Variants in ACSM2B observed in about 807,000 individuals in gnomAD.
The protein encoded by ACSM2B is acyl-CoA synthetase medium chain family member 2B.
Under a neutral mutation model 78.6 loss-of-function variants are expected in ACSM2B, and 58 were observed. That is an observed-to-expected ratio of 0.74 (90% confidence interval 0.60 to 0.92). The LOEUF (loss-of-function observed/expected upper bound fraction) is 0.92, where lower values mean the gene tolerates loss of function less well. Ranked by LOEUF, ACSM2B falls within the 40% of genes least tolerant of loss-of-function variation. ACSM2B has a pLI of 0.00. For synonymous variants in ACSM2B, 257 were observed against 256.8 expected (o/e 1.00, Z -0.01); for missense variants, 688 against 711.2 (o/e 0.97, Z 0.37).
At chr16:20,539,063 C>A (rs989439043) in intron 13 of ACSM2B, among the ~76,000 whole-genome samples, 16 of 151,766 alleles carry the variant, frequency 1.1e-4, no homozygotes, top group African/African-American at 3.9e-4. Flanking sequence ...CCTTCCCTTC[C>A]TCACCTTGCC....
chr16:20,541,838 G>C (rs9938203), intron 12 of ACSM2B: 1 of 151,792 alleles, frequency 6.6e-6, no homozygotes, highest in Non-Finnish European at 1.5e-5. Context: ...GCCTGCCACC[G>C]TGCCTGGCCA....
At chr16:20,570,720 T>C (rs2016069052) in intron 1 of ACSM2B, among the ~76,000 whole-genome samples, 1 of 151,542 alleles carries the variant, frequency 6.6e-6, no homozygotes, top group Admixed American at 6.6e-5. Flanking sequence ...TTGTTGTTGA[T>C]AATTTTTGTA....
intron 6 of ACSM2B, among the ~76,000 whole-genome samples, chr16:20,550,286 C>A (rs1226718421): frequency 6.6e-6 from 1 of 152,056 alleles, no homozygotes; most frequent in African/African-American, 2.4e-5. Context: ...GAGTATCATG[C>A]AATAATTTCC....
intron 1 of ACSM2B, among the ~76,000 whole-genome samples, chr16:20,566,734 G>A (rs10580064): frequency 0.014 from 87 of 6,290 alleles, 7 homozygotes; most frequent in African/African-American, 0.046. Flanking sequence ...ACTATATATA[G>A]TATATACTAT....
chr16:20,550,852 A>G (rs2015291171), intron 6 of ACSM2B, among the ~76,000 whole-genome samples: 1 of 152,140 alleles, frequency 6.6e-6, no homozygotes, highest in Non-Finnish European at 1.5e-5. Context: ...GTCTTATTTA[A>G]TGGCTGTACC....
intron 1 of ACSM2B, chr16:20,574,194 A>C (rs1236616479): frequency 1.3e-5 from 2 of 151,988 alleles, no homozygotes; most frequent in Non-Finnish European, 2.9e-5. Context: ...ACATCCTTCT[A>C]TAGGCTTTCT....
At chr16:20,556,242 C>G (rs1375650733) in intron 3 of ACSM2B, among the ~76,000 whole-genome samples, 1 of 152,160 alleles carries the variant, frequency 6.6e-6, no homozygotes, top group African/African-American at 2.4e-5. Flanking sequence ...TATCACTTTC[C>G]TAAATTCTTG....
chr16:20,569,664 AAT>A (rs1342027685), intron 1 of ACSM2B, among the ~76,000 whole-genome samples: 1 of 151,930 alleles, frequency 6.6e-6, no homozygotes, highest in African/African-American at 2.4e-5. Context: ...TGCTTTTGGC[AAT>A]ATAGTCATTT....
At chr16:20,556,593 C>T (rs1466283932) in intron 3 of ACSM2B, among the ~76,000 whole-genome samples, 1 of 152,158 alleles carries the variant, frequency 6.6e-6, no homozygotes, top group Non-Finnish European at 1.5e-5. Context: ...CAGAGGGAGA[C>T]TCCATCTCAA....
intron 1 of ACSM2B, among the ~76,000 whole-genome samples, chr16:20,565,189 T>G (rs2015788020): frequency 1.3e-5 from 2 of 152,172 alleles, no homozygotes; most frequent in African/African-American, 4.8e-5. Context: ...TCACTCCCTT[T>G]CCGTTCTAGG....
chr16:20,537,605 T>G (rs1427950011), intron 13 of ACSM2B, among the ~76,000 whole-genome samples: 1 of 152,178 alleles, frequency 6.6e-6, no homozygotes, highest in Non-Finnish European at 1.5e-5. Context: ...CAGACACACA[T>G]GGCACAACAG....
At chr16:20,559,992 T>C (rs1160346498) in intron 2 of ACSM2B, among the ~76,000 whole-genome samples, 1 of 151,060 alleles carries the variant, frequency 6.6e-6, no homozygotes, top group East Asian at 1.9e-4. Context: ...TCTACTTACT[T>C]TTTTTAATTT....
intron 13 of ACSM2B, among the ~76,000 whole-genome samples, 198 bp downstream of exon 13, chr16:20,540,456 T>G (rs2014957804): frequency 6.6e-6 from 1 of 152,154 alleles, no homozygotes; most frequent in African/African-American, 2.4e-5. Context: ...TTGGCCAGGC[T>G]GGTCTTGAAC....
chr16:20,551,680 A>G (rs2015314606), intron 6 of ACSM2B, among the ~76,000 whole-genome samples: 1 of 152,140 alleles, frequency 6.6e-6, no homozygotes, highest in Non-Finnish European at 1.5e-5. Flanking sequence ...TTCAAACTGT[A>G]CACATAGGAT....
intron 13 of ACSM2B, among the ~76,000 whole-genome samples, chr16:20,539,181 C>T (rs1014033658): frequency 7.0e-6 from 1 of 142,974 alleles, no homozygotes; most frequent in African/African-American, 2.6e-5. Context: ...CTCAGTTCTG[C>T]TCCTTTCTTT....
chr16:20,540,233 T>TGTTTG lies in ACSM2B; in HGVS notation c.1629+420_1629+421insCAAAC, dbSNP rs71149154. On this transcript the variant is annotated intron_variant, in intron 13 of 13. Transcript: ENST00000329697. ...GAGTTGTTTTTTTTTTGTTTTTTTTTTTTGTTTGTTTGTTTGGTTTTTTTT... is the reference window on the plus strand; with the variant it reads ...GAGTTGTTTTTTTTTTGTTTTTTTTTGTTTGTTTGTTTGTTTGTTTGGTTTTTTTT... Among the ~76,000 whole-genome samples the TGTTTG allele has an allele frequency of 3.4e-5, 5 of 147,660 alleles. 1 individual carries two copies. The Middle Eastern group carries it at 0.01, about 306-fold the overall frequency.
At chr16:20,538,383 C>A (rs2152130144) in intron 13 of ACSM2B, among the ~76,000 whole-genome samples, 1 of 152,304 alleles carries the variant, frequency 6.6e-6, no homozygotes, top group Admixed American at 6.5e-5. Context: ...AAACTGTCAA[C>A]CTTTAGCATT....
intron 1 of ACSM2B, among the ~76,000 whole-genome samples, chr16:20,566,499 C>A (rs1430511815): frequency 8.9e-6 from 1 of 112,646 alleles, no homozygotes; most frequent in Non-Finnish European, 1.7e-5. Flanking sequence ...AATACATATA[C>A]TATATCTATA....
intron 1 of ACSM2B, among the ~76,000 whole-genome samples, chr16:20,570,816 C>G (rs1320436901): frequency 1.3e-5 from 2 of 151,810 alleles, no homozygotes; most frequent in African/African-American, 4.8e-5. Context: ...TGTATCTTCC[C>G]AAGAATTTAT....
Sources: gnomAD v4.1 joint callset for allele counts (sites outside exome capture counted in the v4.1 genomes callset) on GRCh38, gnomAD v4.1.1 for gene constraint, MANE v1.5 for transcripts, NCBI Gene and HGNC (gene_info 2026-07-23, HGNC 2026-07-21) for gene names.